Variants in VPS13C observed in about 807,000 individuals in gnomAD.
The protein encoded by VPS13C is intermembrane lipid transfer protein VPS13C.
A neutral mutation model predicts 456.8 loss-of-function variants in VPS13C; 358 were observed. The ratio of observed to expected loss-of-function variants is 0.78; its 90% CI spans 0.72 to 0.86. VPS13C has a LOEUF of 0.86. Ranked by LOEUF, VPS13C falls within the 40% of genes least tolerant of loss-of-function variation. The pLI is 0.00. For missense variants in VPS13C, 4,818 were observed against 4,385.4 expected, an observed-to-expected ratio of 1.10 and a Z score of -2.79; for synonymous variants, 1,578 against 1,486.7, an observed-to-expected ratio of 1.06 and a Z score of -1.41.
At chr15:62,036,253 C>T (rs1344796490) in intron 3 of VPS13C, among the ~76,000 whole-genome samples, 1 of 151,874 alleles carries the variant, frequency 6.6e-6, no homozygotes, top group East Asian at 1.9e-4. Flanking sequence ...AAGTCACTTA[C>T]ACCACCAGAA....
intron 12 of VPS13C, 118 bp from the exon 13 acceptor site, chr15:62,010,717 T>A (rs763402588): frequency 2.8e-6 from 3 of 1,077,796 alleles, no homozygotes; most frequent in Non-Finnish European, 3.7e-6. Context: ...AAAATGTGTG[T>A]AACAAAATCA....
intron 27 of VPS13C, among the ~76,000 whole-genome samples, 187 bp from the exon 28 acceptor site, chr15:61,969,639 TAC>T (rs953028996): frequency 1.3e-5 from 2 of 152,154 alleles, no homozygotes; most frequent in African/African-American, 4.8e-5. Context: ...AGAATATAAA[TAC>T]ATTTATAAAA....
At position 61,962,451 on chromosome 15, in the gene VPS13C, A is replaced by T. The variant is rs2045239465; in HGVS notation, c.3523T>A (p.Ser1175Thr). The change falls in exon 34 of 85, where the codon TCC (serine) becomes ACC (threonine). Residue 1175 changes from serine to threonine, a missense_variant. Physicochemically the swap from Ser to Thr is moderately conservative, Grantham distance 58. Coordinates refer to ENST00000644861, the MANE Select transcript of VPS13C (RefSeq NM_020821.3). ...AGAGACAGCACACCATCCACTTTGGACATGTCAGTATACAAATCCCCCTCA... is the reference window on the plus strand; with the variant it reads ...AGAGACAGCACACCATCCACTTTGGTCATGTCAGTATACAAATCCCCCTCA... Reference protein sequence around the residue: ...ATEGDLYTDMSKVDGVLSLNV... With the variant: ...ATEGDLYTDMTKVDGVLSLNV... The T allele has an allele frequency of 3.1e-6, 5 of 1,612,192 alleles. No individual in the cohort carries two copies. Among genetic ancestry groups the T allele is most frequent in the Non-Finnish European group, 4.2e-6 (5 of 1,178,850 alleles).
At position 62,017,918 on chromosome 15, in the gene VPS13C, G is replaced by A. The variant is rs534983985; in HGVS notation, c.684+2561C>T. Reference sequence around the variant, plus strand: ...CGATATTGATTCTTCCTATCCATGAGCATGGAATGTTCTTCCATTTGTTTG... The same window carrying A: ...CGATATTGATTCTTCCTATCCATGAACATGGAATGTTCTTCCATTTGTTTG... On this transcript the variant is annotated intron_variant, in intron 9 of 84. Transcript: ENST00000644861. Among the ~76,000 whole-genome samples, 1,263 of 152,272 alleles carry A rather than the reference G, an allele frequency of 8.3e-3. 16 individuals carry two copies. Among genetic ancestry groups the A allele is most frequent in the African/African-American group, 0.029 (1,204 of 41,530 alleles).
At chr15:61,857,798 G>C (rs1894004536) in intron 82 of VPS13C, among the ~76,000 whole-genome samples, 1 of 152,194 alleles carries the variant, frequency 6.6e-6, no homozygotes, top group East Asian at 1.9e-4. Context: ...GAAAGGGCTA[G>C]ATTGAGATGT....
chr15:61,890,331 G>T lies in VPS13C; in HGVS notation c.9175C>A (p.Gln3059Lys). 6.2e-7 allele frequency: 1 copy of T among 1,614,014 alleles called. No homozygotes were observed. Among genetic ancestry groups the T allele is most frequent in the Non-Finnish European group, 8.5e-7 (1 of 1,180,020 alleles). Residue 3059 changes from glutamine to lysine, a missense_variant, in exon 67 of 85, where the codon CAG (glutamine) becomes AAG (lysine). This residue lies in a region of VPS13C where 4,552 missense variants were observed against 4,130.6 expected (regional missense o/e 1.10). Transcript: ENST00000644861. The part of the protein sequence containing the change: ...IHWVSFLDGR[Q>K]RVLLFTDDVA... ...TCATCGGTGAAAAGCAAAACTCTCTGGCGCCCATCCAGAAATGATACCCAG... is the reference window on the plus strand; with the variant it reads ...TCATCGGTGAAAAGCAAAACTCTCTTGCGCCCATCCAGAAATGATACCCAG...
intron 10 of VPS13C, among the ~76,000 whole-genome samples, chr15:62,013,459 G>A (rs1342518374): frequency 6.6e-6 from 1 of 151,790 alleles, no homozygotes; most frequent in African/African-American, 2.4e-5. Flanking sequence ...ATGAATAGCT[G>A]TTTCCTGAAA....
chr15:61,910,209 C>T lies in VPS13C; in HGVS notation c.8812G>A (p.Asp2938Asn), dbSNP rs376794194. ...TCTAAGCTCAATAAAGTGCCATTATCCTGTCGGTTATAAAAGAATGGTTTG... is the reference window on the plus strand; with the variant it reads ...TCTAAGCTCAATAAAGTGCCATTATTCTGTCGGTTATAAAAGAATGGTTTG... ...SSKPFFYNRQ[D>N]NGTLLSLEDL... is the part of the protein sequence containing the mutation. Residue 2938 changes from aspartate to asparagine, a missense_variant, in exon 64 of 85, where the codon GAT becomes AAT. Asp to Asn is a conservative substitution (Grantham distance 23). Around this residue, in one of 3 missense-constraint regions of VPS13C, gnomAD observed 4,552 missense variants for 4,130.6 expected, o/e 1.10. Transcript: ENST00000644861. 1 of 1,480,820 alleles carries T rather than the reference C, an allele frequency of 6.8e-7. No homozygotes were observed. Among genetic ancestry groups the T allele is most frequent in the South Asian group, 1.5e-5 (1 of 67,308 alleles). 91.7% of individuals were successfully genotyped at this position (1,480,820 alleles called of 1,614,324 possible). A position where few individuals can be genotyped will look rare whatever the true frequency, so the allele number is the denominator to read the frequency against.
At chr15:61,923,701 T>C (rs2043736641) in intron 53 of VPS13C, among the ~76,000 whole-genome samples, 2 of 150,328 alleles carry the variant, frequency 1.3e-5, no homozygotes, top group South Asian at 4.3e-4. Context: ...TAAAGGGATA[T>C]AATTATATCA....
chr15:61,854,351 C>T lies in VPS13C; in HGVS notation c.*106G>A, dbSNP rs769617925. The stretch of plus-strand genomic sequence containing the variant: ...TACTAGCTATTCCAGAAAACTAAAA[C>T]TAAAGGATTGCTTGAAAAATTGTCT... On this transcript the variant is annotated 3_prime_UTR_variant, in exon 85 of 85. Coordinates refer to ENST00000644861, the MANE Select transcript of VPS13C (RefSeq NM_020821.3). 9.2e-7 allele frequency: 1 copy of T among 1,089,944 alleles called. No individual in the cohort carries two copies. The highest frequency in any genetic ancestry group is 1.4e-6 in the Non-Finnish European group (1 of 708,296). 67.5% of individuals were successfully genotyped at this position (1,089,944 alleles called of 1,614,324 possible).
chr15:61,930,372 A>G (rs1443408036), intron 50 of VPS13C, among the ~76,000 whole-genome samples: 2 of 152,188 alleles, frequency 1.3e-5, no homozygotes, highest in African/African-American at 4.8e-5. Context: ...TTTGCAAACT[A>G]GAAAAGCTGG....
At position 61,914,435 on chromosome 15, in the gene VPS13C, G is replaced by A. The variant is rs766015895; in HGVS notation, c.8446-1020C>T. ...AATACAAAAATTAGCACTGTGTGGC[G>A]GCAGGCACCTGTAATCCTAGCTACT... On this transcript the variant is annotated intron_variant, in intron 61 of 84. Transcript: ENST00000644861. Among the ~76,000 whole-genome samples the A allele has an allele frequency of 5.0e-4, 76 of 151,966 alleles. 1 individual carries two copies. Among genetic ancestry groups the A allele is most frequent in the Admixed American group, 1.3e-3 (20 of 15,278 alleles).
At chr15:61,883,816 T>C (rs1368679123) in intron 68 of VPS13C, among the ~76,000 whole-genome samples, 1 of 152,036 alleles carries the variant, frequency 6.6e-6, no homozygotes, top group Non-Finnish European at 1.5e-5. Context: ...CTCCCTAATC[T>C]TTCTGGAAAC....
chr15:61,868,814 A>G (rs1894786348), intron 80 of VPS13C, 41 bp from the exon 81 acceptor site: 1 of 1,482,654 alleles, frequency 6.7e-7, no homozygotes, highest in African/African-American at 1.4e-5. Context: ...AATACGTGAG[A>G]GTCTTTCAAA....
chr15:61,943,852 T>A lies in VPS13C; in HGVS notation c.5149-1785A>T, dbSNP rs144343281. On this transcript the variant is annotated intron_variant, in intron 45 of 84. Coordinates refer to ENST00000644861, the MANE Select transcript of VPS13C (RefSeq NM_020821.3). ...CTTTCAGTGGAGTAAACAGACAACCTACAAAATAGAAAAAATGTTCGCAAA... is the reference window on the plus strand; with the variant it reads ...CTTTCAGTGGAGTAAACAGACAACCAACAAAATAGAAAAAATGTTCGCAAA... Among the ~76,000 whole-genome samples, 7 of 150,400 alleles carry A rather than the reference T, an allele frequency of 4.7e-5. No individual in the cohort carries two copies. In the East Asian group the frequency reaches 1.4e-3, roughly 29 times the overall value.
In VPS13C at chr15:62,035,012, T is replaced by C. The variant is rs777741037; in HGVS notation, c.228A>G (p.Gly76=). 2.5e-6 allele frequency: 4 copies of C among 1,604,924 alleles called. No homozygotes were observed. The South Asian group carries it at 4.5e-5, about 18-fold the overall frequency. The change falls in exon 4 of 85, where the codon GGA becomes GGG. Residue 76 remains glycine (G), a synonymous_variant. Transcript: ENST00000644861. ...CTTCCAGGGTCGCAACAACTGCTTC[T>C]CCATAAAGGTTCTTCCAAGGAATCT... The part of the protein sequence containing the change: ...TLKIPWKNLY[G]EAVVATLEGL...
chr15:61,932,264 AG>A (rs2044084730), intron 49 of VPS13C, among the ~76,000 whole-genome samples: 1 of 152,150 alleles, frequency 6.6e-6, no homozygotes, highest in Admixed American at 6.5e-5. Flanking sequence ...AGATAGGCTA[AG>A]AGGGTGGCAG....
At chr15:61,868,798 T>C (rs1175286595) in intron 80 of VPS13C, 25 bp from the exon 81 acceptor site, 1 of 1,569,452 alleles carries the variant, frequency 6.4e-7, no homozygotes, top group South Asian at 1.2e-5. Flanking sequence ...AGAGTAAGTG[T>C]AAGAAAATAC....
At chr15:62,033,284 G>A (rs1340774304) in intron 5 of VPS13C, among the ~76,000 whole-genome samples, 157 bp downstream of exon 5, 1 of 151,498 alleles carries the variant, frequency 6.6e-6, no homozygotes, top group East Asian at 1.9e-4. Context: ...TTTCCTAAAA[G>A]TGAGTCATGA....
Sources: gnomAD v4.1 joint callset for allele counts (sites outside exome capture counted in the v4.1 genomes callset) on GRCh38, gnomAD v4.1.1 for gene constraint, gnomAD v4.1.1 regional missense constraint, MANE v1.5 for transcripts, NCBI Gene and HGNC (gene_info 2026-07-23, HGNC 2026-07-21) for gene names.